IGF1R: variants seen among roughly 807,000 people sequenced by gnomAD.
IGF1R encodes the protein insulin-like growth factor 1 receptor.
A neutral mutation model predicts 144.6 loss-of-function variants in IGF1R; 44 were observed. The ratio of observed to expected loss-of-function variants is 0.30; its 90% confidence interval spans 0.24 to 0.39. The LOEUF (loss-of-function observed/expected upper bound fraction) is 0.39. Among genes scored for constraint, IGF1R ranks in the 10% least tolerant of loss-of-function variants. The probability of loss-of-function intolerance (pLI) is 1.00; values close to 1 mark genes in which losing one functional copy is unlikely to be tolerated. For missense variants in IGF1R, 1,355 were observed against 1,833.7 expected (o/e 0.74, Z 4.77); for synonymous variants, 795 against 722.8 (o/e 1.10, Z -1.60).
chr15:98,801,326 T>C (rs2056359033), intron 2 of IGF1R, among the ~76,000 whole-genome samples: 1 of 152,104 alleles, frequency 6.6e-6, no homozygotes, highest in Admixed American at 6.5e-5. Context: ...AAAACCTGAA[T>C]TGGAAGCTGT....
In IGF1R at chr15:98,962,811, C is replaced by T. The variant is rs1384331414; in HGVS notation, c.*5369C>T. 2.1e-5 allele frequency: 5 copies of T among 233,582 alleles called. No homozygotes were observed. The highest frequency in any genetic ancestry group is 3.4e-5 in the Non-Finnish European group (4 of 118,072). 14.5% of individuals were successfully genotyped at this position (233,582 alleles called of 1,614,324 possible). On this transcript the variant is annotated 3_prime_UTR_variant, in exon 21 of 21. Coordinates refer to ENST00000650285, the MANE Select transcript of IGF1R (RefSeq NM_000875.5). ...ATTTGGTTTCAACAAAGAAACCTAA[C>T]ATCCTACTCTGGAAACTGATCTCGG... is the stretch of plus-strand genomic sequence containing the variant.
At chr15:98,806,280 G>A (rs2056469224) in intron 2 of IGF1R, among the ~76,000 whole-genome samples, 1 of 152,112 alleles carries the variant, frequency 6.6e-6, no homozygotes, top group African/African-American at 2.4e-5. Flanking sequence ...CTTTTCAGGA[G>A]TCTCTAAGAA....
At position 98,935,271 on chromosome 15, in the gene IGF1R, G is replaced by C. The variant is rs1297757385; in HGVS notation, c.3187-45G>C. 8.4e-7 allele frequency: 1 copy of C among 1,190,710 alleles called. No individual in the cohort carries two copies. Among genetic ancestry groups the C allele is most frequent in the Non-Finnish European group, 1.1e-6 (1 of 886,802 alleles). 73.8% of individuals were successfully genotyped at this position (1,190,710 alleles called of 1,614,324 possible). The stretch of plus-strand genomic sequence containing the variant: ...TTCCAGACAACACAGGCATCAGCAA[G>C]GGCCACCTGACCCTCTGAGTCTTTC... On this transcript the variant is annotated intron_variant, in intron 16 of 20. Coordinates refer to ENST00000650285, the MANE Select transcript of IGF1R (RefSeq NM_000875.5). This position sits in a 1 kb window ranked among gnomAD's most constrained non-coding sequence, Gnocchi z 4.2.
At position 98,874,293 on chromosome 15, in the gene IGF1R, T is replaced by G. The variant is rs45505293; in HGVS notation, c.641-17032T>G. On this transcript the variant is annotated intron_variant, in intron 2 of 20. Coordinates refer to ENST00000650285, the MANE Select transcript of IGF1R (RefSeq NM_000875.5). ...TAGATAGGAGTAAGGAGAGTGCAGT[T>G]GGGGAAAAGCACTTCAGAGGCTTTA... Among the ~76,000 whole-genome samples, 618 of 152,226 alleles carry G rather than the reference T, an allele frequency of 4.1e-3. 2 individuals are homozygous for G. The highest frequency in any genetic ancestry group is 0.014 in the African/African-American group (593 of 41,542).
At chr15:98,922,525 A>G (rs1249921155) in intron 11 of IGF1R, 94 bp downstream of exon 11, 3 of 1,471,704 alleles carry the variant, frequency 2.0e-6, no homozygotes, top group Admixed American at 1.7e-5. Context: ...ACCCAGGGCC[A>G]TGACCCTTAG....
chr15:98,778,923 A>C (rs1330188278), intron 2 of IGF1R, among the ~76,000 whole-genome samples: 2 of 152,038 alleles, frequency 1.3e-5, no homozygotes, highest in African/African-American at 2.4e-5. Context: ...CACCAGCCCC[A>C]AAACCAGCTG....
chr15:98,697,009 C>T (rs2141241981), intron 1 of IGF1R, among the ~76,000 whole-genome samples: 1 of 152,232 alleles, frequency 6.6e-6, no homozygotes, highest in Middle Eastern at 3.4e-3. Context: ...AAAAGTACTC[C>T]TTTGGGGGAA....
At chr15:98,683,563 A>C (rs186405585) in intron 1 of IGF1R, among the ~76,000 whole-genome samples, 4 of 152,340 alleles carry the variant, frequency 2.6e-5, no homozygotes, top group African/African-American at 7.2e-5. Flanking sequence ...AGTGTAATAC[A>C]CAACAGTTTT....
At position 98,935,380 on chromosome 15, in the gene IGF1R, G is replaced by A. The variant is rs1330526325; in HGVS notation, c.3251G>A (p.Arg1084Gln). ...CTGGTCATCATGGAACTGATGACACGGGGCGATCTCAAAAGTTATCTCCGG... is the reference window on the plus strand; with the variant it reads ...CTGGTCATCATGGAACTGATGACACAGGGCGATCTCAAAAGTTATCTCCGG... ...PTLVIMELMT[R>Q]GDLKSYLRSL... The change falls in exon 17 of 21, where the codon CGG becomes CAG. Residue 1084 changes from arginine to glutamine, a missense_variant. This residue lies in a region of IGF1R where 45 missense variants were observed against 43.5 expected (regional missense o/e 1.03). Transcript: ENST00000650285. The surrounding 1 kb of genome is among the most constrained non-coding windows in gnomAD (Gnocchi z 4.2). 16 of 1,551,498 alleles carry A rather than the reference G, an allele frequency of 1.0e-5. No individual in the cohort carries two copies. Among genetic ancestry groups the A allele is most frequent in the Admixed American group, 5.9e-5 (3 of 50,990 alleles).
At chr15:98,698,324 A>G (rs2053644903) in intron 1 of IGF1R, among the ~76,000 whole-genome samples, 1 of 152,214 alleles carries the variant, frequency 6.6e-6, no homozygotes, top group African/African-American at 2.4e-5. Flanking sequence ...GGTGTGAGCC[A>G]CCACGCCCAC....
At chr15:98,919,336 G>A (rs893380269) in intron 10 of IGF1R, among the ~76,000 whole-genome samples, 11 of 152,168 alleles carry the variant, frequency 7.2e-5, no homozygotes, top group African/African-American at 2.7e-4. Context: ...AAGCAGGCTG[G>A]GCGGGAAGTT....
chr15:98,929,699 A>G, intron 14 of IGF1R, 39 bp downstream of exon 14: 1 of 1,358,710 alleles, frequency 7.4e-7, no homozygotes, highest in Non-Finnish European at 1.1e-6. Flanking sequence ...TCTGTGGCTG[A>G]GTGGTTTGAT....
intron 2 of IGF1R, among the ~76,000 whole-genome samples, chr15:98,771,308 T>C (rs1020077220): frequency 5.3e-5 from 8 of 151,782 alleles, no homozygotes; most frequent in African/African-American, 1.9e-4. Flanking sequence ...CTTAGGATTT[T>C]TGTTGTTGTT....
chr15:98,722,613 A>G (rs1354894971), intron 2 of IGF1R, among the ~76,000 whole-genome samples: 1 of 152,140 alleles, frequency 6.6e-6, no homozygotes, highest in Non-Finnish European at 1.5e-5. Flanking sequence ...GCTTAGTTCC[A>G]TGGGGAGGAA....
intron 2 of IGF1R, among the ~76,000 whole-genome samples, chr15:98,813,489 A>G (rs1385628391): frequency 6.6e-6 from 1 of 152,164 alleles, no homozygotes; most frequent in African/African-American, 2.4e-5. Flanking sequence ...AGGAAACCAC[A>G]ATAAAGGCTC....
At chr15:98,650,105 C>T (rs1033396597) in intron 1 of IGF1R, among the ~76,000 whole-genome samples, 1 of 152,148 alleles carries the variant, frequency 6.6e-6, no homozygotes, top group Admixed American at 6.5e-5. Context: ...GCGACAGCAC[C>T]CTGGGCCGCA....
intron 19 of IGF1R, 50 bp downstream of exon 19, chr15:98,943,102 C>A: frequency 1.2e-6 from 2 of 1,606,348 alleles, no homozygotes; most frequent in Non-Finnish European, 1.7e-6. Flanking sequence ...AGCCTCTGCA[C>A]TTTCCACCAG....
chr15:98,815,482 CAG>C (rs1240828680), intron 2 of IGF1R, among the ~76,000 whole-genome samples: 3 of 152,208 alleles, frequency 2.0e-5, no homozygotes, highest in East Asian at 1.9e-4. Flanking sequence ...CCCATGCAAA[CAG>C]GGCACAATCA....
chr15:98,755,718 C>CAAAAAAAA (rs56121011), intron 2 of IGF1R, among the ~76,000 whole-genome samples: 16 of 34,498 alleles, frequency 4.6e-4, no homozygotes, highest in African/African-American at 2.3e-3. Flanking sequence ...AACTCCATTG[C>CAAAAAAAA]AAAAAAAAAA....
Sources: allele counts gnomAD v4.1 joint callset (sites outside exome capture counted in the v4.1 genomes callset), GRCh38; gene constraint gnomAD v4.1.1; regional missense constraint gnomAD v4.1.1; non-coding constraint Gnocchi (gnomAD v3.1); transcripts MANE v1.5; gene names NCBI Gene and HGNC (gene_info 2026-07-23, HGNC 2026-07-21).